The following SHANK2 variants were observed in gnomAD, a reference collection of about 807,000 sequenced individuals.
The protein encoded by SHANK2 is SH3 and multiple ankyrin repeat domains protein 2.
In SHANK2, 43 loss-of-function variants were observed where a neutral mutation model predicts 133.7. The observed-to-expected ratio is 0.32, with a 90% confidence interval of 0.25 to 0.41. SHANK2 has a LOEUF of 0.41. Among genes scored for constraint, SHANK2 ranks in the 10% least tolerant of loss-of-function variants. The pLI is 1.00. For synonymous variants in SHANK2, 1,017 were observed against 952.8 expected, an observed-to-expected ratio of 1.07 and a Z score of -1.24; for missense variants, 1,994 against 2,235.8, an observed-to-expected ratio of 0.89 and a Z score of 2.18.
At chr11:70,615,337 T>G (rs1455563451) in intron 17 of SHANK2, among the ~76,000 whole-genome samples, 2 of 152,114 alleles carry the variant, frequency 1.3e-5, no homozygotes, top group Non-Finnish European at 2.9e-5. Flanking sequence ...CTCCCCTCTC[T>G]TTTGCTTTCA....
In SHANK2 at chr11:70,493,767, G is replaced by A. The variant is rs367574284; in HGVS notation, c.2309-1302C>T. Among the ~76,000 whole-genome samples the A allele has an allele frequency of 1.1e-4, 16 of 152,316 alleles. No homozygotes were observed. The East Asian group carries it at 2.9e-3, about 28-fold the overall frequency. ...CACTGGCCTTACTCCCTGGGGAGAA[G>A]CAGGCCATCTGGAACATTCTGCCTT... On this transcript the variant is annotated intron_variant, in intron 21 of 25. Coordinates refer to ENST00000601538, the MANE Select transcript of SHANK2 (RefSeq NM_012309.5).
chr11:71,085,767 ATAT>A (rs1292328149), intron 8 of SHANK2, among the ~76,000 whole-genome samples: 9 of 76,608 alleles, frequency 1.2e-4, no homozygotes, highest in African/African-American at 2.2e-4. Flanking sequence ...TATATAATAT[ATAT>A]TATATTTATA....
chr11:70,651,115 C>T (rs1286541738), intron 17 of SHANK2, among the ~76,000 whole-genome samples: 2 of 152,222 alleles, frequency 1.3e-5, no homozygotes, highest in Non-Finnish European at 2.9e-5. Flanking sequence ...TCATATGGCA[C>T]AGCCTGTGCC....
intron 15 of SHANK2, among the ~76,000 whole-genome samples, chr11:70,690,617 C>T (rs1204473112): frequency 6.9e-6 from 1 of 144,976 alleles, no homozygotes; most frequent in Non-Finnish European, 1.5e-5. Flanking sequence ...ACTGTGCTCA[C>T]CCTCCACTGT....
intron 17 of SHANK2, among the ~76,000 whole-genome samples, chr11:70,645,403 G>GAAC (rs1168997729): frequency 2.0e-5 from 3 of 151,684 alleles, no homozygotes; most frequent in Non-Finnish European, 4.4e-5. Context: ...TGTTCTCCAG[G>GAAC]AACAACAACA....
chr11:70,610,249 T>C (rs1484565099), intron 17 of SHANK2, among the ~76,000 whole-genome samples: 1 of 152,180 alleles, frequency 6.6e-6, no homozygotes, highest in Non-Finnish European at 1.5e-5. Flanking sequence ...AATGGGAGCT[T>C]TGGTGCCCCT....
chr11:70,721,873 T>C (rs376691077), intron 14 of SHANK2, among the ~76,000 whole-genome samples: 4 of 152,372 alleles, frequency 2.6e-5, no homozygotes, highest in East Asian at 1.9e-4. Context: ...GGAATGCCAA[T>C]GACTTCAACA....
At chr11:70,764,063 A>AATCCATCC (rs782452712) in intron 14 of SHANK2, among the ~76,000 whole-genome samples, 156 of 127,056 alleles carry the variant, frequency 1.2e-3, no homozygotes, top group African/African-American at 2.7e-3. Context: ...TATACCCACC[A>AATCCATCC]ATCCATCCAT....
chr11:70,529,579 AAC>A (rs1274913652), intron 17 of SHANK2, among the ~76,000 whole-genome samples: 1 of 152,254 alleles, frequency 6.6e-6, no homozygotes, highest in African/African-American at 2.4e-5. Context: ...CACGTGGCCT[AAC>A]ACTGACCATT....
chr11:70,647,818 T>G (rs1341000277), intron 17 of SHANK2, among the ~76,000 whole-genome samples: 5 of 152,190 alleles, frequency 3.3e-5, no homozygotes, highest in African/African-American at 1.2e-4. Flanking sequence ...CAGCACTCAC[T>G]GAACACCCGC....
At chr11:70,516,570 A>T (rs2059269100) in intron 17 of SHANK2, among the ~76,000 whole-genome samples, 1 of 152,248 alleles carries the variant, frequency 6.6e-6, no homozygotes, top group South Asian at 2.1e-4. Context: ...CTTAGATACA[A>T]CACCAAAAGC....
At chr11:70,651,326 C>T (rs782200402) in intron 17 of SHANK2, among the ~76,000 whole-genome samples, 5 of 152,144 alleles carry the variant, frequency 3.3e-5, no homozygotes, top group Non-Finnish European at 5.9e-5. Context: ...CCGAGCTGCC[C>T]GCATCCACCT....
At chr11:71,088,368 T>A (rs1367177199) in intron 8 of SHANK2, among the ~76,000 whole-genome samples, 2 of 152,192 alleles carry the variant, frequency 1.3e-5, no homozygotes, top group African/African-American at 4.8e-5. Context: ...GGAGAACTCA[T>A]CACACCTGAA....
intron 17 of SHANK2, among the ~76,000 whole-genome samples, chr11:70,527,180 T>C (rs2059409799): frequency 6.6e-6 from 1 of 152,188 alleles, no homozygotes; most frequent in African/African-American, 2.4e-5. Context: ...CCCAGAGACC[T>C]GGTCCTTTAT....
chr11:71,171,206 T>C (rs1953306991), intron 2 of SHANK2, among the ~76,000 whole-genome samples: 1 of 152,140 alleles, frequency 6.6e-6, no homozygotes. Context: ...CACATGCGGG[T>C]GGGCTTGTCA....
chr11:70,606,309 T>C (rs1467632861), intron 17 of SHANK2, among the ~76,000 whole-genome samples: 1 of 151,964 alleles, frequency 6.6e-6, no homozygotes, highest in Non-Finnish European at 1.5e-5. Flanking sequence ...CCCAATGCTA[T>C]GGGAGGCTGA....
chr11:70,636,508 T>G (rs782787418), intron 17 of SHANK2, among the ~76,000 whole-genome samples: 2 of 150,064 alleles, frequency 1.3e-5, no homozygotes, highest in Non-Finnish European at 2.9e-5. Context: ...TGTACGAGGA[T>G]GCATGAGAAT....
intron 14 of SHANK2, among the ~76,000 whole-genome samples, chr11:70,779,133 A>G (rs1947429956): frequency 1.3e-5 from 2 of 152,080 alleles, no homozygotes; most frequent in Non-Finnish European, 2.9e-5. Flanking sequence ...CAGACCTGGC[A>G]GAACTCTATT....
At chr11:70,895,968 G>A (rs1221114607) in intron 11 of SHANK2, among the ~76,000 whole-genome samples, 1 of 152,116 alleles carries the variant, frequency 6.6e-6, no homozygotes, top group Non-Finnish European at 1.5e-5. Flanking sequence ...CCCCCCTGGA[G>A]TGGGCCATTT....
Sources: gnomAD v4.1 joint callset for allele counts (sites outside exome capture counted in the v4.1 genomes callset) on GRCh38, gnomAD v4.1.1 for gene constraint, MANE v1.5 for transcripts, NCBI Gene and HGNC (gene_info 2026-07-23, HGNC 2026-07-21) for gene names.